The following KAT6B variants were observed in gnomAD, a reference collection of about 807,000 sequenced individuals.
The protein encoded by KAT6B is histone acetyltransferase KAT6B.
In KAT6B, 10 loss-of-function variants were observed where a neutral mutation model predicts 187.5. The ratio of observed to expected loss-of-function variants is 0.05; its 90% CI spans 0.03 to 0.09. KAT6B has a LOEUF of 0.09. Among genes scored for constraint, KAT6B ranks in the 10% least tolerant of loss-of-function variants. KAT6B has a pLI of 1.00. For missense variants in KAT6B, 1,952 were observed against 2,558.9 expected (o/e 0.76, Z 5.12); for synonymous variants, 861 against 926.8 (o/e 0.93, Z 1.29).
chr10:74,928,908 T>C (rs916831377), intron 3 of KAT6B, among the ~76,000 whole-genome samples: 1 of 152,240 alleles, frequency 6.6e-6, no homozygotes, highest in African/African-American at 2.4e-5. Flanking sequence ...TGTTTTCTCT[T>C]GCTGAATATT....
At chr10:74,872,277 C>T (rs1844050762) in intron 3 of KAT6B, among the ~76,000 whole-genome samples, 1 of 152,186 alleles carries the variant, frequency 6.6e-6, no homozygotes, top group Non-Finnish European at 1.5e-5. Flanking sequence ...ATCCTTGCAG[C>T]AGCTGGTATA....
intron 3 of KAT6B, among the ~76,000 whole-genome samples, chr10:74,849,973 C>G (rs375819064): frequency 3.7e-4 from 55 of 150,366 alleles, no homozygotes; most frequent in African/African-American, 9.3e-4. Flanking sequence ...GAGTCTCGCT[C>G]TGTCGCCCAG....
intron 3 of KAT6B, among the ~76,000 whole-genome samples, chr10:74,878,993 T>C (rs368597560): frequency 6.6e-6 from 1 of 152,180 alleles, no homozygotes; most frequent in Admixed American, 6.5e-5. Context: ...GTCTTCCTTT[T>C]TATTCAGGAA....
At chr10:74,847,643 A>G (rs2132124120) in intron 3 of KAT6B, among the ~76,000 whole-genome samples, 1 of 151,664 alleles carries the variant, frequency 6.6e-6, no homozygotes, top group African/African-American at 2.4e-5. Context: ...CAGCCTGGGC[A>G]ACAAAAGCGA....
intron 6 of KAT6B, among the ~76,000 whole-genome samples, chr10:74,971,418 A>C (rs1841839355): frequency 6.6e-6 from 1 of 152,140 alleles, no homozygotes; most frequent in South Asian, 2.1e-4. Context: ...TTAATGTTTT[A>C]ATATTTTTGA....
intron 3 of KAT6B, among the ~76,000 whole-genome samples, chr10:74,951,834 A>G (rs1359744899): frequency 6.6e-6 from 1 of 152,362 alleles, no homozygotes; most frequent in African/African-American, 2.4e-5. Flanking sequence ...AATAAAAGAC[A>G]GTTGACAATA....
rs185263760 is a variant in KAT6B at position 74,940,175 on chromosome 10, T to A, written c.622-19795T>A. 4.2e-3 allele frequency among the ~76,000 whole-genome samples: 634 copies of A among 152,292 alleles called. 6 individuals carry two copies. Among genetic ancestry groups the A allele is most frequent in the African/African-American group, 0.014 (597 of 41,550 alleles). The stretch of plus-strand genomic sequence containing the variant: ...TGTCTTTGTACTGTGTGGAATTTTT[T>A]AAGAAAACCATGTGTATGTATACAT... On this transcript the variant is annotated intron_variant, in intron 3 of 17. Transcript: ENST00000287239.
chr10:74,984,514 CTG>C (rs1321353227), intron 11 of KAT6B: 1 of 155,074 alleles, frequency 6.4e-6, no homozygotes, highest in Non-Finnish European at 1.4e-5. Context: ...ATCACTTTCT[CTG>C]TAAGTATTCC....
intron 3 of KAT6B, among the ~76,000 whole-genome samples, chr10:74,945,355 G>A (rs979969243): frequency 6.6e-6 from 1 of 152,212 alleles, no homozygotes; most frequent in Non-Finnish European, 1.5e-5. Context: ...GTGATTGCCT[G>A]GGTCTGAAAA....
chr10:74,832,954 C>G (rs1202646030), intron 1 of KAT6B, among the ~76,000 whole-genome samples: 1 of 151,526 alleles, frequency 6.6e-6, no homozygotes, highest in Non-Finnish European at 1.5e-5. Flanking sequence ...AAAACCCCGT[C>G]TCTACTAAAA....
chr10:74,837,980 GGT>G (rs1398513455), intron 1 of KAT6B, among the ~76,000 whole-genome samples: 1 of 151,996 alleles, frequency 6.6e-6, no homozygotes, highest in Non-Finnish European at 1.5e-5. Context: ...CGAGGAGTGG[GGT>G]GTGTGTCGTG....
chr10:74,995,539 A>G (rs1843371116), intron 13 of KAT6B, among the ~76,000 whole-genome samples: 1 of 152,186 alleles, frequency 6.6e-6, no homozygotes, highest in Non-Finnish European at 1.5e-5. Context: ...TTTGTGTACA[A>G]ATGAGCAGAT....
intron 4 of KAT6B, among the ~76,000 whole-genome samples, chr10:74,966,381 G>A (rs192661666): frequency 3.1e-3 from 477 of 152,312 alleles, no homozygotes; most frequent in Non-Finnish European, 4.6e-3. Context: ...GCTACAACAG[G>A]TATAGTATGT....
rs563622671 is a variant in KAT6B, at chr10:75,031,794, T to C, written c.*748T>C. ...AGCTTTCTGTTTTATAAATGCAGAC[T>C]TCTGTTTATTGAATGAAGCATATCT... On this transcript the variant is annotated 3_prime_UTR_variant, in exon 18 of 18. Transcript: ENST00000287239. 12 of 206,004 alleles carry C rather than the reference T, an allele frequency of 5.8e-5. No individual in the cohort carries two copies. Among genetic ancestry groups the C allele is most frequent in the Non-Finnish European group, 1.1e-4 (11 of 100,482 alleles). 12.8% of individuals were successfully genotyped at this position (206,004 alleles called of 1,614,324 possible). A position where few individuals can be genotyped will look rare whatever the true frequency, so the allele number is the denominator to read the frequency against.
chr10:74,877,174 C>G lies in KAT6B; in HGVS notation c.621+33696C>G, dbSNP rs1253535051. ...GGAGACAGGGTTTCACCATGTTGGC[C>G]AGGCTGGTGTCAAACTCCTGACCTC... is the stretch of plus-strand genomic sequence containing the variant. On this transcript the variant is annotated intron_variant, in intron 3 of 17. Coordinates refer to ENST00000287239, the MANE Select transcript of KAT6B (RefSeq NM_012330.4). 6.6e-5 allele frequency among the ~76,000 whole-genome samples: 10 copies of G among 152,012 alleles called. No homozygotes were observed. The East Asian group carries it at 1.8e-3, about 27-fold the overall frequency.
At chr10:75,022,337 G>A (rs1217183939) in intron 16 of KAT6B, 106 bp downstream of exon 16, 9 of 1,219,618 alleles carry the variant, frequency 7.4e-6, no homozygotes, top group Admixed American at 1.7e-5. Context: ...TTCTTTAGTC[G>A]TAGTTTATGT....
At chr10:75,016,508 A>G (rs1036748235) in intron 13 of KAT6B, among the ~76,000 whole-genome samples, 1 of 152,222 alleles carries the variant, frequency 6.6e-6, no homozygotes, top group Non-Finnish European at 1.5e-5. Context: ...TTTTGCTACG[A>G]TCAAGATAGT....
chr10:74,927,890 G>A (rs187512002), intron 3 of KAT6B, among the ~76,000 whole-genome samples: 54 of 152,234 alleles, frequency 3.5e-4, no homozygotes, highest in Non-Finnish European at 3.7e-4. Context: ...CCCTAAACTC[G>A]CAAGAGAATA....
intron 3 of KAT6B, among the ~76,000 whole-genome samples, chr10:74,925,491 T>C (rs1378691893): frequency 6.8e-6 from 1 of 146,976 alleles, no homozygotes. Flanking sequence ...TATAAGAACA[T>C]TTCTTTTCCA....
Sources: allele counts gnomAD v4.1 joint callset (sites outside exome capture counted in the v4.1 genomes callset), GRCh38; gene constraint gnomAD v4.1.1; transcripts MANE v1.5; gene names NCBI Gene and HGNC (gene_info 2026-07-23, HGNC 2026-07-21).